SLC16A7: variants seen among roughly 807,000 people sequenced by gnomAD.
SLC16A7 encodes the protein monocarboxylate transporter 2.
Under a neutral mutation model 34.9 loss-of-function variants are expected in SLC16A7, and 33 were observed. The observed-to-expected ratio is 0.94, with a 90% confidence interval of 0.72 to 1.26. SLC16A7 has a LOEUF of 1.26. SLC16A7 is among the 50% of genes most tolerant of loss of function. The pLI is 0.00. For missense variants in SLC16A7, 573 were observed against 578.1 expected (o/e 0.99, Z 0.09); for synonymous variants, 201 against 206.6 (o/e 0.97, Z 0.23).
At chr12:59,727,801 G>A (rs967151301) in intron 3 of SLC16A7, among the ~76,000 whole-genome samples, 1 of 148,138 alleles carries the variant, frequency 6.8e-6, no homozygotes, top group Non-Finnish European at 1.5e-5. Flanking sequence ...CATTTTAATT[G>A]TGTTGGGGGG....
At chr12:59,639,488 A>G (rs1441280000) in intron 1 of SLC16A7, among the ~76,000 whole-genome samples, 1 of 152,156 alleles carries the variant, frequency 6.6e-6, no homozygotes, top group African/African-American at 2.4e-5. Context: ...GGCTCAAGCT[A>G]TCCTCCTGCC....
At chr12:59,691,557 T>C (rs958642828) in intron 2 of SLC16A7, among the ~76,000 whole-genome samples, 4 of 152,014 alleles carry the variant, frequency 2.6e-5, no homozygotes, top group African/African-American at 9.7e-5. Flanking sequence ...CATGTCTCTC[T>C]GGGCCTGATA....
chr12:59,746,587 G>A (rs559787968), intron 3 of SLC16A7, among the ~76,000 whole-genome samples: 7 of 152,310 alleles, frequency 4.6e-5, no homozygotes, highest in African/African-American at 1.4e-4. Flanking sequence ...CTGAGTTAAT[G>A]TTAACTCCCT....
chr12:59,742,724 C>A (rs75140297), intron 3 of SLC16A7, among the ~76,000 whole-genome samples: 1,830 of 152,254 alleles, frequency 0.012, 18 homozygotes, highest in Middle Eastern at 0.054. Context: ...ATATTTTAGG[C>A]TCTGCTGAAA....
intron 1 of SLC16A7, among the ~76,000 whole-genome samples, chr12:59,598,034 A>G: frequency 6.6e-6 from 1 of 152,172 alleles, no homozygotes; most frequent in African/African-American, 2.4e-5. Flanking sequence ...TTTTAAAGGG[A>G]AGGAGAGCAA....
rs138106315 is a variant in SLC16A7, at chr12:59,645,604, C to T, written c.-129-9548C>T. 3.3e-3 allele frequency among the ~76,000 whole-genome samples: 498 copies of T among 152,044 alleles called. 5 individuals carry two copies. The highest frequency in any genetic ancestry group is 0.012 in the African/African-American group (490 of 41,470). ...TAAGCCTCTTTCCTTTATATATTAC[C>T]GAGTCTTGGGTGTGTTCTCATACCA... On this transcript the variant is annotated intron_variant, in intron 1 of 5. Transcript: ENST00000547379.
In SLC16A7 at chr12:59,774,712, C is replaced by G. The variant is rs762787676; in HGVS notation, c.417C>G (p.Phe139Leu). ...QPALTIIGKY[F>L]YRKRPMANGL... ...CCTTAACCATAATTGGCAAATACTT[C>G]TATAGGAAGCGACCCATGGCAAATG... The change falls in exon 5 of 6, where the codon TTC becomes TTG. Residue 139 changes from phenylalanine to leucine, a missense_variant. Coordinates refer to ENST00000547379, the MANE Select transcript of SLC16A7 (RefSeq NM_001270623.2). The G allele has an allele frequency of 6.2e-7, 1 of 1,612,070 alleles. No homozygotes were observed. The highest frequency in any genetic ancestry group is 1.1e-5 in the South Asian group (1 of 90,614).
At chr12:59,660,331 A>G (rs1351906305) in intron 2 of SLC16A7, among the ~76,000 whole-genome samples, 2 of 151,988 alleles carry the variant, frequency 1.3e-5, no homozygotes, top group East Asian at 3.9e-4. Flanking sequence ...TCTAGTCCCC[A>G]TGGGGAACCC....
chr12:59,732,487 G>T, intron 3 of SLC16A7, among the ~76,000 whole-genome samples: 1 of 152,128 alleles, frequency 6.6e-6, no homozygotes, highest in Non-Finnish European at 1.5e-5. Flanking sequence ...AATCTTTTTG[G>T]CTTCTAAAGG....
chr12:59,768,842 T>C (rs552673155), intron 3 of SLC16A7, among the ~76,000 whole-genome samples: 55 of 151,624 alleles, frequency 3.6e-4, no homozygotes, highest in Non-Finnish European at 6.6e-4. Context: ...ATGAAAAAAA[T>C]TAAAAAGAAT....
intron 3 of SLC16A7, among the ~76,000 whole-genome samples, chr12:59,755,852 A>G (rs966381814): frequency 1.9e-4 from 29 of 152,326 alleles, no homozygotes; most frequent in Admixed American, 5.9e-4. Context: ...CCTGACTTCA[A>G]ACTATACTAC....
chr12:59,645,434 T>C (rs1200083336), intron 1 of SLC16A7, among the ~76,000 whole-genome samples: 1 of 152,112 alleles, frequency 6.6e-6, no homozygotes, highest in Non-Finnish European at 1.5e-5. Context: ...CAAGATTTGA[T>C]GGTTTTATAA....
At chr12:59,633,158 A>G (rs1484619812) in intron 1 of SLC16A7, among the ~76,000 whole-genome samples, 5 of 151,944 alleles carry the variant, frequency 3.3e-5, no homozygotes, top group Admixed American at 6.6e-5. Context: ...TTTTCTTTAC[A>G]TTATACAAAG....
chr12:59,604,453 T>G (rs1034917497), intron 1 of SLC16A7, among the ~76,000 whole-genome samples: 4 of 152,190 alleles, frequency 2.6e-5, no homozygotes, highest in Non-Finnish European at 5.9e-5. Context: ...ATGCCCTAAG[T>G]AGTAAAACAA....
rs1284212929 is a variant in SLC16A7, at chr12:59,775,360, C to G, written c.1065C>G (p.Ser355Arg). 1.2e-6 allele frequency: 2 copies of G among 1,613,922 alleles called. No individual in the cohort carries two copies. The highest frequency in any genetic ancestry group is 1.7e-6 in the Non-Finnish European group (2 of 1,179,948). Residue 355 changes from serine to arginine, a missense_variant, in exon 5 of 6, where the codon AGC becomes AGG. By Grantham distance (110) the Ser-to-Arg change is moderately radical. Coordinates refer to ENST00000547379, the MANE Select transcript of SLC16A7 (RefSeq NM_001270623.2). The stretch of plus-strand genomic sequence containing the variant: ...TTGGCCTTGGATTTGGGAGTGTTAG[C>G]AGTGTTCTCTTTGAAACTCTCATGG... Reference protein sequence around the residue: ...VFFGLGFGSVSSVLFETLMDL... With the variant: ...VFFGLGFGSVRSVLFETLMDL...
At chr12:59,704,235 A>G (rs1254809721) in intron 2 of SLC16A7, among the ~76,000 whole-genome samples, 1 of 148,362 alleles carries the variant, frequency 6.7e-6, no homozygotes, top group African/African-American at 2.4e-5. Flanking sequence ...GAAAAAAAAA[A>G]GAAAAAGAAA....
At chr12:59,633,197 T>G (rs1880262234) in intron 1 of SLC16A7, among the ~76,000 whole-genome samples, 1 of 152,034 alleles carries the variant, frequency 6.6e-6, no homozygotes, top group Non-Finnish European at 1.5e-5. Context: ...TAAGGTTCCT[T>G]TGTACTATTT....
chr12:59,670,452 A>T (rs1412462863), intron 2 of SLC16A7, among the ~76,000 whole-genome samples: 6 of 152,154 alleles, frequency 3.9e-5, no homozygotes, highest in Non-Finnish European at 8.8e-5. Context: ...CACGTGTAAA[A>T]TACATACATA....
chr12:59,724,537 T>C (rs1432096881), intron 3 of SLC16A7, among the ~76,000 whole-genome samples: 1 of 151,912 alleles, frequency 6.6e-6, no homozygotes, highest in Non-Finnish European at 1.5e-5. Context: ...GCAACATGTA[T>C]TTACTTGGAA....
Sources: gnomAD v4.1 joint callset for allele counts (sites outside exome capture counted in the v4.1 genomes callset) on GRCh38, gnomAD v4.1.1 for gene constraint, MANE v1.5 for transcripts, NCBI Gene and HGNC (gene_info 2026-07-23, HGNC 2026-07-21) for gene names.